ARFGEF3: variants seen among roughly 807,000 people sequenced by gnomAD.
ARFGEF3 encodes ARFGEF family member 3.
A neutral mutation model predicts 221.7 loss-of-function variants in ARFGEF3; 96 were observed. The observed-to-expected ratio is 0.43, with a 90% CI of 0.37 to 0.51. The LOEUF is 0.51. ARFGEF3 is among the 20% of genes least tolerant of loss of function. The probability of loss-of-function intolerance (pLI) is 0.00; values close to 1 mark genes in which losing one functional copy is unlikely to be tolerated. For missense variants in ARFGEF3, 2,410 were observed against 2,789.9 expected (o/e 0.86, Z 3.07); for synonymous variants, 1,145 against 1,126.8 (o/e 1.02, Z -0.32).
At chr6:138,230,405 C>T (rs1201621072) in intron 5 of ARFGEF3, among the ~76,000 whole-genome samples, 2 of 152,144 alleles carry the variant, frequency 1.3e-5, no homozygotes, top group East Asian at 3.8e-4. Flanking sequence ...GAATGCCTGG[C>T]ATATGTCTTT....
Position 138,272,714 on chromosome 6 carries a change from G to A in ARFGEF3, c.2129-5737G>A, listed in dbSNP as rs115261708. 5.1e-3 allele frequency among the ~76,000 whole-genome samples: 775 copies of A among 152,266 alleles called. 8 individuals are homozygous for A. The highest frequency in any genetic ancestry group is 0.018 in the African/African-American group (741 of 41,552). On this transcript the variant is annotated intron_variant, in intron 12 of 33. Transcript: ENST00000251691. Reference sequence around the variant, plus strand: ...TAGACTTAAATAAATCTGTGACTAAGCAAAGTTGTGTAATCTTATCACGAA... The same window carrying A: ...TAGACTTAAATAAATCTGTGACTAAACAAAGTTGTGTAATCTTATCACGAA...
intron 12 of ARFGEF3, among the ~76,000 whole-genome samples, chr6:138,265,902 T>A (rs963275796): frequency 3.4e-5 from 5 of 147,634 alleles, no homozygotes; most frequent in Non-Finnish European, 7.5e-5. Context: ...CACCCAGCAA[T>A]TTTTTTTTTA....
In ARFGEF3 at chr6:138,343,376, G is replaced by A. The variant is rs1442658045; in HGVS notation, c.*6890G>A. 1 of 152,034 alleles carries A rather than the reference G, an allele frequency of 6.6e-6. No homozygotes were observed. Among genetic ancestry groups the A allele is most frequent in the East Asian group, 1.9e-4 (1 of 5,194 alleles). The allele number at this position is 152,034 out of a possible 1,614,324, so 9.4% of individuals were successfully genotyped here. A position where few individuals can be genotyped will look rare whatever the true frequency, so the allele number is the denominator to read the frequency against. ...TGATTATATTTACTAGAATTAGTGA[G>A]ATCAGAAAGCATATCAGAATGTTGA... On this transcript the variant is annotated 3_prime_UTR_variant, in exon 34 of 34. Coordinates refer to ENST00000251691, the MANE Select transcript of ARFGEF3 (RefSeq NM_020340.5).
intron 2 of ARFGEF3, among the ~76,000 whole-genome samples, chr6:138,203,178 T>G (rs1182974136): frequency 2.0e-5 from 3 of 150,140 alleles, no homozygotes; most frequent in African/African-American, 5.0e-5. Context: ...GTGTGTGTGT[T>G]TAAGAACTAA....
At position 138,308,594 on chromosome 6, in the gene ARFGEF3, A is replaced by T. The variant is rs1042580535; in HGVS notation, c.3974-145A>T. ...TGAGCACCATGCTGGAGCCAAGCCAATGGCCCAATAAAAAACCCAGGCATC... is the reference window on the plus strand; with the variant it reads ...TGAGCACCATGCTGGAGCCAAGCCATTGGCCCAATAAAAAACCCAGGCATC... On this transcript the variant is annotated intron_variant, in intron 23 of 33. Transcript: ENST00000251691. 10 of 839,830 alleles carry T rather than the reference A, an allele frequency of 1.2e-5. No individual in the cohort carries two copies. The East Asian group carries it at 2.5e-4, about 21-fold the overall frequency. 52.0% of individuals were successfully genotyped at this position (839,830 alleles called of 1,614,324 possible). A position where few individuals can be genotyped will look rare whatever the true frequency, so the allele number is the denominator to read the frequency against.
At chr6:138,280,286 C>T in intron 14 of ARFGEF3, 122 bp downstream of exon 14, 1 of 907,808 alleles carries the variant, frequency 1.1e-6, no homozygotes. Flanking sequence ...CACAAAGCTT[C>T]CCTGGCAATG....
chr6:138,292,084 A>G, intron 19 of ARFGEF3, 31 bp downstream of exon 19: 1 of 1,379,514 alleles, frequency 7.2e-7, no homozygotes, highest in Non-Finnish European at 9.4e-7. Flanking sequence ...ACGCCCCGGG[A>G]GCCTGCTTAC....
chr6:138,323,640 A>T, intron 29 of ARFGEF3, 31 bp from the exon 30 acceptor site: 2 of 1,598,798 alleles, frequency 1.3e-6, no homozygotes, highest in Non-Finnish European at 1.7e-6. Flanking sequence ...AACAACAAAA[A>T]AAAAACTCCT....
chr6:138,172,368 G>A (rs763243111), intron 2 of ARFGEF3, among the ~76,000 whole-genome samples: 2 of 152,040 alleles, frequency 1.3e-5, no homozygotes, highest in Non-Finnish European at 2.9e-5. Context: ...CTTTTCCACC[G>A]CACCTTTAAC....
Position 138,328,709 on chromosome 6 carries a change from T to TA in ARFGEF3, c.5123+576dup, listed in dbSNP as rs10709864. ...CCATGATGTCATACACTTATAATCT[T>TA]AAAAAAAAATAGGCCAGGCATGGTT... On this transcript the variant is annotated intron_variant, in intron 32 of 33. Coordinates refer to ENST00000251691, the MANE Select transcript of ARFGEF3 (RefSeq NM_020340.5). 5.3e-5 allele frequency among the ~76,000 whole-genome samples: 8 copies of TA among 151,278 alleles called. No homozygotes were observed. In the South Asian group the frequency reaches 6.3e-4, roughly 12 times the overall value.
intron 29 of ARFGEF3, among the ~76,000 whole-genome samples, 197 bp downstream of exon 29, chr6:138,321,422 T>C (rs79089470): frequency 0.028 from 4,339 of 152,346 alleles, 74 homozygotes; most frequent in South Asian, 0.046. Context: ...TAAGACATTA[T>C]ACAAAGTATT....
chr6:138,289,832 G>A lies in ARFGEF3; in HGVS notation c.2911G>A (p.Glu971Lys). The A allele has an allele frequency of 6.2e-7, 1 of 1,613,710 alleles. No homozygotes were observed. Among genetic ancestry groups the A allele is most frequent in the Non-Finnish European group, 8.5e-7 (1 of 1,179,754 alleles). ...TTCTGGCACAGTGAAACTAAAAGTG[G>A]AGCAGAAACTGGAGCAGATTGGGAA... is the stretch of plus-strand genomic sequence containing the variant. ...DAITQVKLKV[E>K]QKLEQIGKVQ... is the part of the protein sequence containing the mutation. The change falls in exon 18 of 34, where the codon GAG (glutamate) becomes AAG (lysine). Residue 971 changes from glutamate to lysine, a missense_variant. By Grantham distance (56) the Glu-to-Lys change is moderately conservative. This residue lies in a region of ARFGEF3 where 594 missense variants were observed against 734.3 expected (regional missense o/e 0.81). Transcript: ENST00000251691.
chr6:138,295,162 C>T (rs139390591), intron 20 of ARFGEF3, among the ~76,000 whole-genome samples: 9 of 152,128 alleles, frequency 5.9e-5, no homozygotes, highest in Non-Finnish European at 1.3e-4. Flanking sequence ...CAGGAAGGGT[C>T]GGTAAATCTA....
intron 5 of ARFGEF3, among the ~76,000 whole-genome samples, chr6:138,237,132 T>C (rs1160469778): frequency 6.6e-6 from 1 of 152,112 alleles, no homozygotes; most frequent in Non-Finnish European, 1.5e-5. Context: ...TAGTGAGGCA[T>C]GGCAGAAAGA....
At chr6:138,231,333 A>G (rs1778187747) in intron 5 of ARFGEF3, among the ~76,000 whole-genome samples, 1 of 152,166 alleles carries the variant, frequency 6.6e-6, no homozygotes, top group African/African-American at 2.4e-5. Context: ...ACAACAGATC[A>G]TAGCCAAAGA....
In ARFGEF3 at chr6:138,341,396, C is replaced by T. The variant is rs918708411; in HGVS notation, c.*4910C>T. ...CATCCATAGTAACCATGTGCCATAACATCTACACATTTCCACTTGTTTTAC... is the reference window on the plus strand; with the variant it reads ...CATCCATAGTAACCATGTGCCATAATATCTACACATTTCCACTTGTTTTAC... On this transcript the variant is annotated 3_prime_UTR_variant, in exon 34 of 34. Transcript: ENST00000251691. 1.3e-5 allele frequency: 2 copies of T among 154,654 alleles called. No individual in the cohort carries two copies. The highest frequency in any genetic ancestry group is 4.8e-5 in the African/African-American group (2 of 41,420). 9.6% of individuals were successfully genotyped at this position (154,654 alleles called of 1,614,324 possible).
intron 22 of ARFGEF3, among the ~76,000 whole-genome samples, chr6:138,299,813 C>A (rs1441182762): frequency 6.6e-6 from 1 of 152,176 alleles, no homozygotes; most frequent in Non-Finnish European, 1.5e-5. Flanking sequence ...ATACTATCAG[C>A]TTGTTTCTAA....
intron 22 of ARFGEF3, among the ~76,000 whole-genome samples, chr6:138,304,839 G>A (rs1228296983): frequency 6.6e-6 from 1 of 152,086 alleles, no homozygotes; most frequent in Non-Finnish European, 1.5e-5. Flanking sequence ...ACAGTAATAT[G>A]AGAATGTGAT....
chr6:138,295,396 G>A (rs1779488521), intron 20 of ARFGEF3, among the ~76,000 whole-genome samples: 1 of 151,750 alleles, frequency 6.6e-6, no homozygotes, highest in African/African-American at 2.4e-5. Context: ...GAGGCGGGCA[G>A]ATCACCTGAG....
Sources: gnomAD v4.1 joint callset for allele counts (sites outside exome capture counted in the v4.1 genomes callset) on GRCh38, gnomAD v4.1.1 for gene constraint, gnomAD v4.1.1 regional missense constraint, MANE v1.5 for transcripts, NCBI Gene and HGNC (gene_info 2026-07-23, HGNC 2026-07-21) for gene names.